Variants in ZFAND4 observed in about 807,000 individuals in gnomAD.
ZFAND4 encodes zinc finger AN1-type containing 4, also known as AN1-type zinc finger protein 4.
A neutral mutation model predicts 64.4 loss-of-function variants in ZFAND4; 43 were observed. That is an observed-to-expected ratio of 0.67 (90% CI 0.52 to 0.86). ZFAND4 has a LOEUF of 0.86. Among genes scored for constraint, ZFAND4 ranks in the 40% least tolerant of loss-of-function variants. The pLI, the probability that ZFAND4 is intolerant of heterozygous loss-of-function variation, is 0.00. For synonymous variants in ZFAND4, 296 were observed against 305.7 expected (o/e 0.97, Z 0.33); for missense variants, 929 against 859.8 (o/e 1.08, Z -1.01).
intron 1 of ZFAND4, among the ~76,000 whole-genome samples, chr10:45,667,425 T>C (rs1393042757): frequency 6.6e-6 from 1 of 151,362 alleles, no homozygotes; most frequent in Non-Finnish European, 1.5e-5. Context: ...AGAGTTTTAC[T>C]TCTCCCTTTC....
At chr10:45,650,490 T>G (rs1009823528) in intron 4 of ZFAND4, 1 of 150,812 alleles carries the variant, frequency 6.6e-6, no homozygotes, top group African/African-American at 2.4e-5. Flanking sequence ...CCAGCCTCGG[T>G]GACAGAGCAA....
At chr10:45,620,880 CAATT>C (rs2045368777) in intron 8 of ZFAND4, 2 of 152,154 alleles carry the variant, frequency 1.3e-5, no homozygotes, top group Non-Finnish European at 2.9e-5. Flanking sequence ...AAGACATCAT[CAATT>C]ATCAACTCCT....
chr10:45,651,345 T>C, intron 4 of ZFAND4: 1 of 285,250 alleles, frequency 3.5e-6, no homozygotes, highest in African/African-American at 2.2e-5. Context: ...TTACAACCAT[T>C]AGGAGTTACA....
chr10:45,643,368 C>T (rs993473874), intron 5 of ZFAND4, among the ~76,000 whole-genome samples: 1 of 151,762 alleles, frequency 6.6e-6, no homozygotes, highest in African/African-American at 2.4e-5. Context: ...CCTTATCTAT[C>T]TTTCTGCTTA....
At chr10:45,654,702 G>A (rs1371158861) in intron 2 of ZFAND4, among the ~76,000 whole-genome samples, 1 of 151,532 alleles carries the variant, frequency 6.6e-6, no homozygotes, top group African/African-American at 2.4e-5. Flanking sequence ...AGCAGGAGTA[G>A]CTATTCTTAT....
intron 6 of ZFAND4, among the ~76,000 whole-genome samples, chr10:45,634,563 T>G (rs1466523208): frequency 1.3e-5 from 2 of 150,968 alleles, no homozygotes; most frequent in Non-Finnish European, 3.0e-5. Context: ...TTCTCAAAAT[T>G]AAAAAGGTAA....
intron 9 of ZFAND4, chr10:45,617,716 A>T (rs1404663028): frequency 1.3e-5 from 2 of 152,306 alleles, no homozygotes; most frequent in Admixed American, 1.3e-4. Flanking sequence ...ATCAATACTA[A>T]TGAAATAAAT....
intron 1 of ZFAND4, among the ~76,000 whole-genome samples, chr10:45,664,547 G>A (rs1564634610): frequency 6.6e-6 from 1 of 151,728 alleles, no homozygotes; most frequent in East Asian, 2.0e-4. Context: ...GATTACAGGC[G>A]TGAGCCACCA....
chr10:45,631,923 T>G lies in ZFAND4; in HGVS notation c.718-4818A>C, dbSNP rs151121845. ...TAATGGTAAAAACAAATAAAAATGT[T>G]AAGTCTAAAGAAAAGGGTTTGAACA... is the stretch of plus-strand genomic sequence containing the variant. On this transcript the variant is annotated intron_variant, in intron 6 of 9. Coordinates refer to ENST00000344646, the MANE Select transcript of ZFAND4 (RefSeq NM_174890.4). Among the ~76,000 whole-genome samples, 23 of 152,354 alleles carry G rather than the reference T, an allele frequency of 1.5e-4. No homozygotes were observed. In the East Asian group the frequency reaches 4.4e-3, roughly 29 times the overall value.
At chr10:45,648,909 T>A (rs1363139963) in intron 4 of ZFAND4, 1 of 972,906 alleles carries the variant, frequency 1.0e-6, no homozygotes. Context: ...CTGCTCCCTA[T>A]ATTTTCAAAT....
intron 1 of ZFAND4, among the ~76,000 whole-genome samples, chr10:45,670,469 A>C (rs2049107699): frequency 6.6e-6 from 1 of 151,974 alleles, no homozygotes; most frequent in Admixed American, 6.6e-5. Context: ...CAAACTCTCA[A>C]CCTCAGGTGA....
chr10:45,645,622 A>G (rs2047326647), intron 5 of ZFAND4, among the ~76,000 whole-genome samples: 1 of 152,252 alleles, frequency 6.6e-6, no homozygotes, highest in Non-Finnish European at 1.5e-5. Flanking sequence ...TATGTGAAAC[A>G]TATACTGCAA....
chr10:45,634,539 A>G (rs1472270896), intron 6 of ZFAND4, among the ~76,000 whole-genome samples: 1 of 152,092 alleles, frequency 6.6e-6, no homozygotes, highest in African/African-American at 2.4e-5. Context: ...AAAAAAAAAA[A>G]AAGAATTAAA....
At chr10:45,616,941 T>A (rs2045011631) in intron 9 of ZFAND4, among the ~76,000 whole-genome samples, 1 of 151,982 alleles carries the variant, frequency 6.6e-6, no homozygotes. Flanking sequence ...TAGCTGGGTG[T>A]GGTGGCGTGC....
chr10:45,640,438 A>AC, intron 5 of ZFAND4: 1 of 1,242,928 alleles, frequency 8.0e-7, no homozygotes, highest in Non-Finnish European at 1.0e-6. Context: ...AAAAAAAAAA[A>AC]AAAAGAATTC....
chr10:45,648,183 A>G, intron 5 of ZFAND4, 111 bp downstream of exon 5: 10 of 1,090,040 alleles, frequency 9.2e-6, no homozygotes, highest in Non-Finnish European at 1.2e-5. Flanking sequence ...TATACGAAGG[A>G]CAATTTCAGA....
chr10:45,619,038 TAAATC>T (rs2045214750), intron 8 of ZFAND4, among the ~76,000 whole-genome samples: 1 of 151,424 alleles, frequency 6.6e-6, no homozygotes, highest in African/African-American at 2.4e-5. Context: ...AAGAAAGAAT[TAAATC>T]AATTTTTTTT....
At chr10:45,627,820 C>T (rs77820027) in intron 6 of ZFAND4, among the ~76,000 whole-genome samples, 9,093 of 152,244 alleles carry the variant, frequency 0.06, 396 homozygotes, top group African/African-American at 0.12. Context: ...TTACAACTCA[C>T]TGATAGAGGA....
chr10:45,649,041 G>A, intron 4 of ZFAND4: 1 of 660,378 alleles, frequency 1.5e-6, no homozygotes, highest in Non-Finnish European at 1.9e-6. Flanking sequence ...GGCCGAGGCG[G>A]GCAGATCATG....
Sources: gnomAD v4.1 joint callset for allele counts (sites outside exome capture counted in the v4.1 genomes callset) on GRCh38, gnomAD v4.1.1 for gene constraint, MANE v1.5 for transcripts, NCBI Gene and HGNC (gene_info 2026-07-23, HGNC 2026-07-21) for gene names.